Variants in CFAP70 observed in about 807,000 individuals in gnomAD.
CFAP70 encodes cilia and flagella associated protein 70, also known as cilia- and flagella-associated protein 70.
In CFAP70, 81 loss-of-function variants were observed where a neutral mutation model predicts 137.6. That is an observed-to-expected ratio of 0.59 (90% CI 0.49 to 0.71). CFAP70 has a LOEUF of 0.71. Among genes scored for constraint, CFAP70 ranks in the 30% least tolerant of loss-of-function variants. The pLI is 0.00. For missense variants in CFAP70, 976 were observed against 1,226.7 expected (o/e 0.80, Z 3.05); for synonymous variants, 382 against 423.6 (o/e 0.90, Z 1.20).
intron 19 of CFAP70, among the ~76,000 whole-genome samples, chr10:73,283,591 T>G (rs2047425161): frequency 6.6e-6 from 1 of 152,236 alleles, no homozygotes. Flanking sequence ...ATGTTTCTCT[T>G]TGTCTCAATT....
At chr10:73,325,584 G>GA (rs2051326673) in intron 8 of CFAP70, among the ~76,000 whole-genome samples, 1 of 152,112 alleles carries the variant, frequency 6.6e-6, no homozygotes, top group Non-Finnish European at 1.5e-5. Context: ...GCTGTATTCA[G>GA]GAAACCCATC....
At chr10:73,298,855 A>T in intron 14 of CFAP70, 52 bp downstream of exon 15, 2 of 1,514,190 alleles carry the variant, frequency 1.3e-6, no homozygotes, top group South Asian at 2.3e-5. Flanking sequence ...GGGTATGTGG[A>T]GAACTTGCTC....
exon 21 of CFAP70, chr10:73,277,254 C>G (rs139550224): frequency 6.2e-7 from 1 of 1,613,738 alleles, no homozygotes; most frequent in African/African-American, 1.3e-5. Context: ...ACAGCCTTGA[C>G]TTTCATCAAG....
Position 73,277,704 on chromosome 10 carries a change from T to C in CFAP70, c.2399-343A>G, listed in dbSNP as rs1481243306. Reference sequence around the variant, plus strand: ...CTCCAGCCTGGCAACAGAGCAAGACTCCATCTCAAAAAAAAAAAAAAATTC... The same window carrying C: ...CTCCAGCCTGGCAACAGAGCAAGACCCCATCTCAAAAAAAAAAAAAAATTC... On this transcript the variant is annotated intron_variant, in intron 20 of 26. Coordinates refer to ENST00000310715, the Ensembl canonical transcript of CFAP70. 8.9e-5 allele frequency among the ~76,000 whole-genome samples: 13 copies of C among 145,984 alleles called. No individual in the cohort carries two copies. The South Asian group carries it at 2.7e-3, about 31-fold the overall frequency.
chr10:73,308,400 G>A (rs1367678737), intron 12 of CFAP70, among the ~76,000 whole-genome samples: 2 of 151,976 alleles, frequency 1.3e-5, no homozygotes, highest in Non-Finnish European at 2.9e-5. Context: ...AGGCCGAAGC[G>A]GGCAGATCAC....
rs375613484 is a variant in CFAP70 at position 73,272,555 on chromosome 10, T to C, written c.2925+373A>G. Among the ~76,000 whole-genome samples, 3 of 152,168 alleles carry C rather than the reference T, an allele frequency of 2.0e-5. No homozygotes were observed. In the East Asian group the frequency reaches 5.8e-4, roughly 29 times the overall value. The stretch of plus-strand genomic sequence containing the variant: ...AAGTTACAGCAACTCCTCCTGCATA[T>C]CAAAGGGTCACAGTGCTTAGTAAGT... On this transcript the variant is annotated intron_variant, in intron 24 of 26. Transcript: ENST00000310715.
At chr10:73,297,514 C>T (rs2048631835) in intron 14 of CFAP70, among the ~76,000 whole-genome samples, 1 of 152,158 alleles carries the variant, frequency 6.6e-6, no homozygotes, top group South Asian at 2.1e-4. Flanking sequence ...GGAGAAAGGG[C>T]TGGGCTGAGA....
chr10:73,351,045 A>ATGTGTGTG (rs776068868), intron 3 of CFAP70, among the ~76,000 whole-genome samples: 3 of 68,522 alleles, frequency 4.4e-5, no homozygotes, highest in African/African-American at 1.5e-4. Context: ...GTGTGTATAT[A>ATGTGTGTG]TGTGTGTGTG....
intron 7 of CFAP70, 31 bp downstream of exon 8, chr10:73,335,399 G>C (rs2052545691): frequency 6.9e-7 from 1 of 1,459,034 alleles, no homozygotes; most frequent in Non-Finnish European, 9.5e-7. Flanking sequence ...GCCTTTGTGG[G>C]TTAGACATAT....
chr10:73,275,356 G>A lies in CFAP70; in HGVS notation c.2673+90C>T, dbSNP rs1176065675. The A allele has an allele frequency of 7.0e-7, 1 of 1,430,392 alleles. No homozygotes were observed. The highest frequency in any genetic ancestry group is 9.4e-7 in the Non-Finnish European group (1 of 1,064,904). The allele number at this position is 1,430,392 out of a possible 1,614,324, so 88.6% of individuals were successfully genotyped here. A position where few individuals can be genotyped will look rare whatever the true frequency, so the allele number is the denominator to read the frequency against. Reference sequence around the variant, plus strand: ...ACTGACAGCTGATGACCACCCTTCTGTTCACCAGAAATCTACGTGTGATAT... The same window carrying A: ...ACTGACAGCTGATGACCACCCTTCTATTCACCAGAAATCTACGTGTGATAT... On this transcript the variant is annotated intron_variant, in intron 22 of 26. Transcript: ENST00000310715. The surrounding 1 kb of genome is among the most constrained non-coding windows in gnomAD (Gnocchi z 4.0).
At position 73,325,995 on chromosome 10, in the gene CFAP70, C is replaced by T. The variant is rs998348810; in HGVS notation, c.778-2898G>A. 3.5e-4 allele frequency among the ~76,000 whole-genome samples: 53 copies of T among 152,216 alleles called. 1 individual carries two copies. The highest frequency in any genetic ancestry group is 1.3e-4 in the Non-Finnish European group (9 of 68,020). ...CTCTGCACCAAGTAGACCTAATAGACATCTACAGAACTCTCCACCCCAAAT... is the reference window on the plus strand; with the variant it reads ...CTCTGCACCAAGTAGACCTAATAGATATCTACAGAACTCTCCACCCCAAAT... On this transcript the variant is annotated intron_variant, in intron 8 of 26. Transcript: ENST00000310715.
At chr10:73,272,903 T>A (rs1196163589) in intron 24 of CFAP70, 25 bp downstream of exon 25, 1 of 1,546,058 alleles carries the variant, frequency 6.5e-7, no homozygotes, top group Admixed American at 2.0e-5. Context: ...TCCACAGCCC[T>A]AGTCTCAAGC....
intron 12 of CFAP70, among the ~76,000 whole-genome samples, chr10:73,301,634 G>T (rs565117357): frequency 1.3e-5 from 2 of 152,238 alleles, no homozygotes; most frequent in South Asian, 4.1e-4. Flanking sequence ...AGGAAAAGGA[G>T]AATGACTGCT....
intron 24 of CFAP70, among the ~76,000 whole-genome samples, chr10:73,270,007 C>A (rs1208104430): frequency 6.6e-6 from 1 of 152,154 alleles, no homozygotes; most frequent in East Asian, 1.9e-4. Context: ...CATCTATAAA[C>A]CATGGAGTTT....
chr10:73,356,820 C>T (rs2054718810), intron 1 of CFAP70, among the ~76,000 whole-genome samples: 6 of 152,186 alleles, frequency 3.9e-5, no homozygotes, highest in Admixed American at 3.9e-4. Context: ...TTCTGCTAGA[C>T]TGTAACAAAA....
chr10:73,304,951 A>G (rs2049262553), intron 12 of CFAP70, among the ~76,000 whole-genome samples: 2 of 152,218 alleles, frequency 1.3e-5, no homozygotes, highest in South Asian at 2.1e-4. Flanking sequence ...TGAATCCAGA[A>G]GAAGGCAATT....
chr10:73,343,225 A>G (rs866539529), intron 5 of CFAP70, among the ~76,000 whole-genome samples: 23 of 151,398 alleles, frequency 1.5e-4, no homozygotes, highest in South Asian at 8.4e-4. Context: ...AAAAAAAAAA[A>G]AGAGAAAGAA....
chr10:73,273,901 A>G (rs1443338160), intron 23 of CFAP70, among the ~76,000 whole-genome samples: 6 of 152,194 alleles, frequency 3.9e-5, no homozygotes, highest in South Asian at 2.1e-4. Context: ...GTTTCATTCT[A>G]CTATTCTGTT....
At chr10:73,314,113 G>C (rs954380583) in intron 9 of CFAP70, among the ~76,000 whole-genome samples, 1 of 152,048 alleles carries the variant, frequency 6.6e-6, no homozygotes, top group Non-Finnish European at 1.5e-5. Context: ...AATTTATGTT[G>C]AATGAAAAGA....
Sources: allele counts gnomAD v4.1 joint callset (sites outside exome capture counted in the v4.1 genomes callset), GRCh38; gene constraint gnomAD v4.1.1; non-coding constraint Gnocchi (gnomAD v3.1); transcripts MANE v1.5; gene names NCBI Gene and HGNC (gene_info 2026-07-23, HGNC 2026-07-21).